CPA6: variants seen among roughly 807,000 people sequenced by gnomAD.
CPA6 encodes the protein carboxypeptidase B.
A neutral mutation model predicts 63.3 loss-of-function variants in CPA6; 58 were observed. The observed-to-expected ratio is 0.92, with a 90% CI of 0.74 to 1.14. The LOEUF is 1.14. CPA6 is among the 50% of genes most tolerant of loss of function. The pLI, the probability that CPA6 is intolerant of heterozygous loss-of-function variation, is 0.00. For missense variants in CPA6, 565 were observed against 526.6 expected, an observed-to-expected ratio of 1.07 and a Z score of -0.71; for synonymous variants, 185 against 179.0, an observed-to-expected ratio of 1.03 and a Z score of -0.27.
rs1254566408 is a variant in CPA6 at position 67,434,001 on chromosome 8, T to C, written c.1041+37A>G. The C allele has an allele frequency of 2.1e-6, 3 of 1,462,720 alleles. No individual in the cohort carries two copies. The African/African-American group carries it at 4.2e-5, about 20-fold the overall frequency. 90.6% of individuals were successfully genotyped at this position (1,462,720 alleles called of 1,614,324 possible). A position where few individuals can be genotyped will look rare whatever the true frequency, so the allele number is the denominator to read the frequency against. Reference sequence around the variant, plus strand: ...CCATCTTAGCTTCAGAAAAGCAGCATGAAGCCTGATGTACATGCACAGGGT... The same window carrying C: ...CCATCTTAGCTTCAGAAAAGCAGCACGAAGCCTGATGTACATGCACAGGGT... On this transcript the variant is annotated intron_variant, in intron 9 of 10. Coordinates refer to ENST00000297770, the MANE Select transcript of CPA6 (RefSeq NM_020361.5).
intron 2 of CPA6, among the ~76,000 whole-genome samples, chr8:67,549,073 A>G (rs574217434): frequency 4.1e-4 from 62 of 152,326 alleles, no homozygotes; most frequent in African/African-American, 1.5e-3. Context: ...TGAAAAAGCA[A>G]AAGAAAATGA....
chr8:67,536,819 T>C (rs1427297552), intron 2 of CPA6, among the ~76,000 whole-genome samples: 2 of 152,218 alleles, frequency 1.3e-5, no homozygotes, highest in Non-Finnish European at 2.9e-5. Context: ...CAGTATCATA[T>C]TGGCTGTGGG....
chr8:67,465,985 G>T (rs1810916159), intron 8 of CPA6, among the ~76,000 whole-genome samples: 1 of 151,970 alleles, frequency 6.6e-6, no homozygotes, highest in African/African-American at 2.4e-5. Context: ...AGTTAGGGAG[G>T]AATCCTACCT....
At chr8:67,498,445 A>T (rs1291739454) in intron 6 of CPA6, among the ~76,000 whole-genome samples, 3 of 143,434 alleles carry the variant, frequency 2.1e-5, no homozygotes, top group African/African-American at 7.7e-5. Context: ...CTGAGGCAGG[A>T]GTATTGCTTG....
intron 5 of CPA6, among the ~76,000 whole-genome samples, chr8:67,507,709 C>T (rs927092244): frequency 2.6e-5 from 4 of 151,990 alleles, no homozygotes; most frequent in South Asian, 2.1e-4. Context: ...CATTATGATG[C>T]GAATATCAAT....
chr8:67,445,227 T>A (rs1431554755), intron 8 of CPA6, among the ~76,000 whole-genome samples: 1 of 129,574 alleles, frequency 7.7e-6, no homozygotes, highest in African/African-American at 4.1e-5. Context: ...GATTTAAGAT[T>A]TTTTTTTGGG....
chr8:67,609,657 C>T (rs1001199798), intron 2 of CPA6, among the ~76,000 whole-genome samples: 2 of 151,970 alleles, frequency 1.3e-5, no homozygotes, highest in Non-Finnish European at 2.9e-5. Context: ...AATTGTTCTC[C>T]CCAGTATTTT....
chr8:67,497,368 G>T (rs1214007227), intron 6 of CPA6, among the ~76,000 whole-genome samples: 1 of 152,154 alleles, frequency 6.6e-6, no homozygotes, highest in Non-Finnish European at 1.5e-5. Flanking sequence ...ATGAGTCTTT[G>T]TGTCTGCCTC....
chr8:67,592,756 C>T (rs561676647), intron 2 of CPA6, among the ~76,000 whole-genome samples: 17 of 152,094 alleles, frequency 1.1e-4, no homozygotes, highest in East Asian at 5.8e-4. Flanking sequence ...TTTTTTATTG[C>T]GTCTATTTGA....
chr8:67,428,514 C>T (rs1021675957), intron 9 of CPA6, among the ~76,000 whole-genome samples: 7 of 151,986 alleles, frequency 4.6e-5, no homozygotes, highest in African/African-American at 1.2e-4. Flanking sequence ...GAAGGAGTCT[C>T]GCTCTGTCGC....
At chr8:67,547,963 A>T (rs1017724351) in intron 2 of CPA6, among the ~76,000 whole-genome samples, 1 of 152,222 alleles carries the variant, frequency 6.6e-6, no homozygotes, top group Non-Finnish European at 1.5e-5. Context: ...TTAAAGTTTC[A>T]TTCTATTCCT....
chr8:67,478,304 T>C (rs1157900846), intron 8 of CPA6, among the ~76,000 whole-genome samples: 1 of 152,238 alleles, frequency 6.6e-6, no homozygotes. Flanking sequence ...TATATGCATC[T>C]CTTTCATCTG....
At chr8:67,613,681 C>A (rs1263628436) in intron 2 of CPA6, among the ~76,000 whole-genome samples, 1 of 152,210 alleles carries the variant, frequency 6.6e-6, no homozygotes, top group Non-Finnish European at 1.5e-5. Context: ...CCGGGAAATC[C>A]TGGGTAGAAG....
chr8:67,609,641 T>G (rs1001937607), intron 2 of CPA6, among the ~76,000 whole-genome samples: 1 of 152,230 alleles, frequency 6.6e-6, no homozygotes, highest in Non-Finnish European at 1.5e-5. Flanking sequence ...TTATTTATAA[T>G]CTATCAATTG....
intron 6 of CPA6, among the ~76,000 whole-genome samples, chr8:67,496,862 T>C (rs1167439812): frequency 1.3e-5 from 2 of 152,014 alleles, no homozygotes; most frequent in Non-Finnish European, 2.9e-5. Flanking sequence ...CCTGGCCTTA[T>C]ACTTTCATTA....
chr8:67,624,119 T>C, intron 2 of CPA6, 57 bp downstream of exon 2: 1 of 1,042,026 alleles, frequency 9.6e-7, no homozygotes, highest in Non-Finnish European at 1.5e-6. Context: ...AGTCAGCAAA[T>C]CCCTGTAAAC....
chr8:67,740,056 A>C (rs902504578), intron 1 of CPA6, among the ~76,000 whole-genome samples: 4 of 152,206 alleles, frequency 2.6e-5, no homozygotes, highest in African/African-American at 9.7e-5. Flanking sequence ...GAAGACATGG[A>C]ATAAAACTCA....
At chr8:67,676,107 C>T (rs1017175494) in intron 1 of CPA6, among the ~76,000 whole-genome samples, 1 of 152,178 alleles carries the variant, frequency 6.6e-6, no homozygotes, top group Non-Finnish European at 1.5e-5. Flanking sequence ...CACACTATAC[C>T]TATATCAATG....
At chr8:67,598,172 T>G (rs1224980446) in intron 2 of CPA6, among the ~76,000 whole-genome samples, 1 of 152,184 alleles carries the variant, frequency 6.6e-6, no homozygotes, top group Non-Finnish European at 1.5e-5. Context: ...AAATGGCTAC[T>G]TCACATTTTA....
Sources: gnomAD v4.1 joint callset for allele counts (sites outside exome capture counted in the v4.1 genomes callset) on GRCh38, gnomAD v4.1.1 for gene constraint, MANE v1.5 for transcripts, NCBI Gene and HGNC (gene_info 2026-07-23, HGNC 2026-07-21) for gene names.